Variants in STK38 observed in about 807,000 individuals in gnomAD.
STK38 encodes serine/threonine kinase 38, also known as serine/threonine-protein kinase 38.
STK38 carries 26 observed loss-of-function variants against 59.0 expected under a neutral mutation model. The observed-to-expected ratio is 0.44, with a 90% CI of 0.32 to 0.61. The LOEUF (loss-of-function observed/expected upper bound fraction) is 0.61, where lower values mean the gene tolerates loss of function less well. Ranked by LOEUF, STK38 falls within the 20% of genes least tolerant of loss-of-function variation. The pLI is 0.04. For missense variants in STK38, 433 were observed against 566.0 expected (o/e 0.76, Z 2.38); for synonymous variants, 175 against 176.6 (o/e 0.99, Z 0.07).
intron 7 of STK38, among the ~76,000 whole-genome samples, chr6:36,513,652 C>T (rs565612697): frequency 5.0e-4 from 76 of 151,842 alleles, no homozygotes; most frequent in African/African-American, 1.8e-3. Context: ...CCCATATCCC[C>T]GTCTCTGCTA....
intron 5 of STK38, among the ~76,000 whole-genome samples, chr6:36,518,130 ATTAG>A (rs2127477308): frequency 6.6e-6 from 1 of 152,346 alleles, no homozygotes; most frequent in South Asian, 2.1e-4. Flanking sequence ...TGAATCTCTG[ATTAG>A]TTAAAATTAC....
At position 36,506,653 on chromosome 6, in the gene STK38, A is replaced by G. The variant is rs1422959488; in HGVS notation, c.773-9T>C. On this transcript the variant is annotated splice_polypyrimidine_tract_variant and intron_variant, in intron 8 of 13. Coordinates refer to ENST00000229812, the MANE Select transcript of STK38 (RefSeq NM_007271.4). ...ATTCATGTTCTGGAAAGCTGAAAGT[A>G]AAGAATACAAGCTGCAGTCAAAGTT... is the stretch of plus-strand genomic sequence containing the variant. 3 of 1,611,992 alleles carry G rather than the reference A, an allele frequency of 1.9e-6. No homozygotes were observed. The highest frequency in any genetic ancestry group is 2.7e-5 in the African/African-American group (2 of 74,848).
intron 2 of STK38, among the ~76,000 whole-genome samples, chr6:36,527,319 CACAT>C (rs1320245206): frequency 1.2e-5 from 1 of 84,706 alleles, no homozygotes; most frequent in Non-Finnish European, 2.3e-5. Context: ...TATATATACA[CACAT>C]ATATATACAC....
chr6:36,501,779 T>A (rs533777462), intron 9 of STK38, among the ~76,000 whole-genome samples: 1 of 152,212 alleles, frequency 6.6e-6, no homozygotes, highest in African/African-American at 2.4e-5. Context: ...AGTTCACTCA[T>A]TTCTCTGCCG....
At chr6:36,503,290 T>G (rs760064752) in intron 9 of STK38, among the ~76,000 whole-genome samples, 4 of 152,176 alleles carry the variant, frequency 2.6e-5, no homozygotes, top group Non-Finnish European at 5.9e-5. Flanking sequence ...TAGTTCTTGT[T>G]TAAGAAATCC....
intron 2 of STK38, among the ~76,000 whole-genome samples, chr6:36,538,196 C>T (rs986563612): frequency 5.2e-4 from 78 of 150,440 alleles, no homozygotes; most frequent in Admixed American, 2.5e-3. Flanking sequence ...CCCAGCTACT[C>T]GGGAGGCTAA....
intron 10 of STK38, 99 bp from the exon 11 acceptor site, chr6:36,498,585 T>C: frequency 7.3e-7 from 1 of 1,365,044 alleles, no homozygotes; most frequent in Non-Finnish European, 9.9e-7. Flanking sequence ...TTTTTTTCTT[T>C]TTTCTTTTTT....
At chr6:36,540,825 C>T (rs1037442270) in intron 1 of STK38, among the ~76,000 whole-genome samples, 9 of 152,062 alleles carry the variant, frequency 5.9e-5, no homozygotes, top group African/African-American at 1.7e-4. Context: ...GGGGCCACCT[C>T]GGCCTCCCAA....
At position 36,523,258 on chromosome 6, in the gene STK38, G is replaced by GT. The variant is rs1264389755; in HGVS notation, c.306+1082dup. Among the ~76,000 whole-genome samples the GT allele has an allele frequency of 8.8e-4, 130 of 147,380 alleles. 3 individuals carry two copies. The highest frequency in any genetic ancestry group is 1.3e-3 in the Non-Finnish European group (89 of 66,548). On this transcript the variant is annotated intron_variant, in intron 4 of 13. Transcript: ENST00000229812. ...TATTCACATTTCCCCGGGGTACCAG[G>GT]TTTTTTGTTTTTTTTTTTTTTTGAG... is the stretch of plus-strand genomic sequence containing the variant.
intron 1 of STK38, among the ~76,000 whole-genome samples, chr6:36,543,210 A>G (rs1777981900): frequency 6.6e-6 from 1 of 151,246 alleles, no homozygotes. Flanking sequence ...GACTACAGGC[A>G]CCCGCCACCA....
intron 7 of STK38, among the ~76,000 whole-genome samples, chr6:36,513,288 G>C (rs1777156779): frequency 6.7e-6 from 1 of 149,330 alleles, no homozygotes; most frequent in Admixed American, 6.7e-5. Flanking sequence ...AAAGTGCTGG[G>C]ATTACAGGTG....
chr6:36,500,499 C>T (rs747129774), intron 9 of STK38, among the ~76,000 whole-genome samples: 6 of 151,982 alleles, frequency 3.9e-5, no homozygotes, highest in South Asian at 2.1e-4. Flanking sequence ...TGGTGGTTCA[C>T]GCCTGTAATC....
At chr6:36,521,304 A>C (rs1194431745) in intron 5 of STK38, among the ~76,000 whole-genome samples, 1 of 152,196 alleles carries the variant, frequency 6.6e-6, no homozygotes, top group Non-Finnish European at 1.5e-5. Context: ...AAACAGAATG[A>C]AGCATATAAA....
chr6:36,539,745 AT>A lies in STK38; in HGVS notation c.131+326del, dbSNP rs55784149. On this transcript the variant is annotated intron_variant, in intron 2 of 13. Transcript: ENST00000229812. ...CAATCAACTCCTTGGATTGGGCCTAATTTTTTTTTTTTTTTTTTTTTTAAGA... is the reference window on the plus strand; with the variant it reads ...CAATCAACTCCTTGGATTGGGCCTAATTTTTTTTTTTTTTTTTTTTTAAGA... Among the ~76,000 whole-genome samples the A allele has an allele frequency of 1.9e-3, 255 of 131,220 alleles. 1 individual carries two copies. The highest frequency in any genetic ancestry group is 4.0e-3 in the Middle Eastern group (1 of 252). The allele number at this position is 131,220 out of a possible 152,430, so 86.1% of individuals were successfully genotyped here.
chr6:36,520,240 A>G (rs150879245), intron 5 of STK38, among the ~76,000 whole-genome samples: 11 of 152,344 alleles, frequency 7.2e-5, no homozygotes, highest in Non-Finnish European at 1.3e-4. Context: ...TCCATAAGTT[A>G]ATGCATCATT....
rs1279946252 is a variant in STK38 at position 36,496,769 on chromosome 6, G to T, written c.1209C>A (p.Ser403Arg). ...CATCGAAGTTTGAGGTATCATCAAT[G>T]CTTTTGATTTCAATAGATATTGCAG... ...RPAAISIEIK[S>R]IDDTSNFDEF... is the part of the protein sequence containing the mutation. The change falls in exon 13 of 14, where the codon AGC becomes AGA. Residue 403 changes from serine to arginine, a missense_variant. Physicochemically the swap from Ser to Arg is moderately radical, Grantham distance 110. This residue lies in a region of STK38 where 136 missense variants were observed against 156.7 expected (regional missense o/e 0.87). Transcript: ENST00000229812. 1.2e-6 allele frequency: 2 copies of T among 1,613,372 alleles called. No individual in the cohort carries two copies. Among genetic ancestry groups the T allele is most frequent in the South Asian group, 2.2e-5 (2 of 90,818 alleles).
chr6:36,540,274 C>G, intron 1 of STK38, 67 bp from the exon 2 acceptor site: 1 of 1,521,344 alleles, frequency 6.6e-7, no homozygotes, highest in Non-Finnish European at 9.0e-7. Flanking sequence ...CACTCTCCTA[C>G]CCTATTGGTA....
In STK38 at chr6:36,513,840, C is replaced by T. The variant is rs1365415882; in HGVS notation, c.669+1498G>A. On this transcript the variant is annotated intron_variant, in intron 7 of 13. Coordinates refer to ENST00000229812, the MANE Select transcript of STK38 (RefSeq NM_007271.4). The stretch of plus-strand genomic sequence containing the variant: ...GCAGCAAAGCGAGACCTCATCTCTA[C>T]TAAAAATTAAAAAAAAAAAAAAAAA... Among the ~76,000 whole-genome samples the T allele has an allele frequency of 6.2e-5, 6 of 97,040 alleles. No individual in the cohort carries two copies. The East Asian group carries it at 2.6e-3, about 42-fold the overall frequency. The allele number at this position is 97,040 out of a possible 152,430, so 63.7% of individuals were successfully genotyped here. A position where few individuals can be genotyped will look rare whatever the true frequency, so the allele number is the denominator to read the frequency against.
chr6:36,546,380 T>C (rs1778052978), intron 1 of STK38, among the ~76,000 whole-genome samples: 1 of 152,180 alleles, frequency 6.6e-6, no homozygotes, highest in Non-Finnish European at 1.5e-5. Flanking sequence ...GAGCCTGTTA[T>C]CGAGGTGGTG....
Sources: gnomAD v4.1 joint callset for allele counts (sites outside exome capture counted in the v4.1 genomes callset) on GRCh38, gnomAD v4.1.1 for gene constraint, gnomAD v4.1.1 regional missense constraint, MANE v1.5 for transcripts, NCBI Gene and HGNC (gene_info 2026-07-23, HGNC 2026-07-21) for gene names.